Variants in NPLOC4 observed in about 807,000 individuals in gnomAD.
NPLOC4 encodes the protein nuclear protein localization protein 4 homolog.
In NPLOC4, 18 loss-of-function variants were observed where a neutral mutation model predicts 80.6. The ratio of observed to expected loss-of-function variants is 0.22; its 90% CI spans 0.15 to 0.33. NPLOC4 has a LOEUF of 0.33. Ranked by LOEUF, NPLOC4 falls within the 10% of genes least tolerant of loss-of-function variation. NPLOC4 has a pLI of 1.00. For synonymous variants in NPLOC4, 313 were observed against 301.5 expected, an observed-to-expected ratio of 1.04 and a Z score of -0.39; for missense variants, 540 against 786.1, an observed-to-expected ratio of 0.69 and a Z score of 3.74.
At chr17:81,602,932 C>CAT (rs150169696) in intron 8 of NPLOC4, among the ~76,000 whole-genome samples, 28,836 of 143,060 alleles carry the variant, frequency 0.2, 2,893 homozygotes, top group African/African-American at 0.24. Flanking sequence ...TACACACACA[C>CAT]ATATATATAT....
intron 2 of NPLOC4, among the ~76,000 whole-genome samples, chr17:81,624,195 C>T (rs185482498): frequency 7.2e-4 from 110 of 152,108 alleles, no homozygotes; most frequent in African/African-American, 2.6e-3. Context: ...CCGAGGTGGG[C>T]GGATCACGAG....
intron 12 of NPLOC4, among the ~76,000 whole-genome samples, chr17:81,578,604 G>C (rs113574144): frequency 6.6e-6 from 1 of 152,224 alleles, no homozygotes; most frequent in African/African-American, 2.4e-5. Flanking sequence ...GGGGAAGCAA[G>C]GCACCTTCTT....
chr17:81,608,248 T>C (rs910116778), intron 6 of NPLOC4, among the ~76,000 whole-genome samples: 5 of 152,224 alleles, frequency 3.3e-5, no homozygotes, highest in Admixed American at 1.3e-4. Flanking sequence ...CACAGGGTAG[T>C]TGTTTTTCTG....
chr17:81,600,285 G>T, intron 9 of NPLOC4, 56 bp downstream of exon 9: 1 of 1,311,888 alleles, frequency 7.6e-7, no homozygotes, highest in Non-Finnish European at 1.1e-6. Context: ...CCCCTGGCCT[G>T]GATGCCCAAC....
At chr17:81,619,604 C>T (rs534183396) in intron 3 of NPLOC4, among the ~76,000 whole-genome samples, 3 of 150,484 alleles carry the variant, frequency 2.0e-5, no homozygotes, top group East Asian at 2.0e-4. Flanking sequence ...GGGTGCCAGG[C>T]GCAGTGGCTT....
intron 2 of NPLOC4, among the ~76,000 whole-genome samples, chr17:81,626,294 C>T (rs1454978426): frequency 1.4e-5 from 2 of 146,952 alleles, no homozygotes; most frequent in Admixed American, 1.4e-4. Context: ...CCAGCCTGGG[C>T]AACAGAGCGA....
intron 12 of NPLOC4, among the ~76,000 whole-genome samples, chr17:81,579,877 C>G (rs2034393830): frequency 7.8e-6 from 1 of 128,296 alleles, no homozygotes; most frequent in South Asian, 2.3e-4. Flanking sequence ...AGCTCACCCC[C>G]CATTCTCCTC....
intron 12 of NPLOC4, among the ~76,000 whole-genome samples, chr17:81,585,112 G>A (rs2034538342): frequency 7.9e-6 from 1 of 127,274 alleles, no homozygotes; most frequent in African/African-American, 2.9e-5. Context: ...GGAGGTTGCA[G>A]TGATCTGAGA....
At chr17:81,598,867 T>G (rs987677215) in intron 9 of NPLOC4, among the ~76,000 whole-genome samples, 1 of 152,184 alleles carries the variant, frequency 6.6e-6, no homozygotes, top group Non-Finnish European at 1.5e-5. Flanking sequence ...ACTTTCACTG[T>G]CTTTAAAGAT....
intron 11 of NPLOC4, among the ~76,000 whole-genome samples, chr17:81,590,825 G>C (rs2034718411): frequency 6.6e-6 from 1 of 152,220 alleles, no homozygotes; most frequent in Admixed American, 6.5e-5. Flanking sequence ...AGGAGATAGA[G>C]CTGGCCGCCA....
intron 7 of NPLOC4, 146 bp from the exon 8 acceptor site, chr17:81,604,873 C>A: frequency 1.4e-6 from 1 of 733,468 alleles, no homozygotes; most frequent in Non-Finnish European, 2.2e-6. Flanking sequence ...GCCTGTGGTC[C>A]CAGATACTCA....
At chr17:81,610,484 C>T (rs949016022) in intron 4 of NPLOC4, among the ~76,000 whole-genome samples, 5 of 152,088 alleles carry the variant, frequency 3.3e-5, no homozygotes, top group African/African-American at 4.8e-5. Context: ...GTGATCGTGG[C>T]TCCCTGCAGC....
At chr17:81,599,601 G>C (rs2035012176) in intron 9 of NPLOC4, among the ~76,000 whole-genome samples, 1 of 152,112 alleles carries the variant, frequency 6.6e-6, no homozygotes, top group African/African-American at 2.4e-5. Flanking sequence ...AAATAATCTA[G>C]AGATTATTTT....
At chr17:81,617,342 A>T (rs1437448631) in intron 3 of NPLOC4, among the ~76,000 whole-genome samples, 1 of 152,304 alleles carries the variant, frequency 6.6e-6, no homozygotes, top group Non-Finnish European at 1.5e-5. Flanking sequence ...GCACAATCAC[A>T]GTTCACAACA....
intron 1 of NPLOC4, among the ~76,000 whole-genome samples, chr17:81,631,390 G>A (rs73369296): frequency 0.042 from 5,964 of 142,232 alleles, 223 homozygotes; most frequent in East Asian, 0.2. Flanking sequence ...ATTTAATAAC[G>A]TGTGTGTGCA....
At chr17:81,630,636 C>T (rs2035903837) in intron 1 of NPLOC4, among the ~76,000 whole-genome samples, 1 of 152,206 alleles carries the variant, frequency 6.6e-6, no homozygotes, top group Non-Finnish European at 1.5e-5. Context: ...AATTGTAGCA[C>T]TTTGGGAGGC....
At chr17:81,589,357 C>T (rs371069890) in intron 11 of NPLOC4, among the ~76,000 whole-genome samples, 10 of 151,872 alleles carry the variant, frequency 6.6e-5, no homozygotes, top group African/African-American at 2.4e-4. Context: ...GGTGAAACCC[C>T]GTCCCTACTA....
intron 6 of NPLOC4, 116 bp downstream of exon 6, chr17:81,608,612 G>A (rs78496197): frequency 1.3e-4 from 90 of 706,218 alleles, no homozygotes; most frequent in African/African-American, 8.1e-4. Context: ...TTTCAAAGGC[G>A]TGTGACCCCT....
intron 15 of NPLOC4, among the ~76,000 whole-genome samples, chr17:81,566,025 T>A (rs1257910598): frequency 6.6e-6 from 1 of 152,126 alleles, no homozygotes; most frequent in African/African-American, 2.4e-5. Context: ...GCCTTCCGAG[T>A]CAAACTGCAG....
Sources: gnomAD v4.1 joint callset for allele counts (sites outside exome capture counted in the v4.1 genomes callset) on GRCh38, gnomAD v4.1.1 for gene constraint, MANE v1.5 for transcripts, NCBI Gene and HGNC (gene_info 2026-07-23, HGNC 2026-07-21) for gene names.